The following GRK7 variants were observed in gnomAD, a reference collection of about 807,000 sequenced individuals.
GRK7 encodes the protein G protein-coupled receptor kinase 7.
A neutral mutation model predicts 34.1 loss-of-function variants in GRK7; 24 were observed. The ratio of observed to expected loss-of-function variants is 0.70; its 90% CI spans 0.51 to 0.99. GRK7 has a LOEUF of 0.99. Among genes scored for constraint, GRK7 ranks in the 50% least tolerant of loss-of-function variants. The pLI, the probability that GRK7 is intolerant of heterozygous loss-of-function variation, is 0.00. For missense variants in GRK7, 644 were observed against 707.3 expected (o/e 0.91, Z 1.02); for synonymous variants, 256 against 279.4 (o/e 0.92, Z 0.84).
chr3:141,764,462 CA>C lies in GRK7; in HGVS notation c.-1490del. On this transcript the variant is annotated 5_prime_UTR_variant, in exon 1 of 6. Coordinates refer to ENST00000682958, the MANE Select transcript of GRK7 (RefSeq NM_139209.3). ...CTCAGTCCTTATCCCACTGACCTCT[CA>C]GCAGCATTTGCCGTAGTAATCACTG... is the stretch of plus-strand genomic sequence containing the variant. Among the ~76,000 whole-genome samples, 1 of 152,314 alleles carries C rather than the reference CA, an allele frequency of 6.6e-6. No individual in the cohort carries two copies. Among genetic ancestry groups the C allele is most frequent in the East Asian group, 1.9e-4 (1 of 5,184 alleles).
At chr3:141,792,490 T>C (rs1324535167) in intron 4 of GRK7, among the ~76,000 whole-genome samples, 3 of 151,882 alleles carry the variant, frequency 2.0e-5, no homozygotes, top group Non-Finnish European at 2.9e-5. Flanking sequence ...CATGGTACAT[T>C]GGGCTCTCCA....
intron 4 of GRK7, among the ~76,000 whole-genome samples, chr3:141,791,200 G>A (rs1000509378): frequency 6.6e-6 from 1 of 152,148 alleles, no homozygotes; most frequent in Non-Finnish European, 1.5e-5. Context: ...AGGGATAATG[G>A]GAGACAGAGG....
At chr3:141,809,894 C>T (rs1711075812) in intron 5 of GRK7, among the ~76,000 whole-genome samples, 1 of 152,064 alleles carries the variant, frequency 6.6e-6, no homozygotes, top group South Asian at 2.1e-4. Context: ...TCTCAATATC[C>T]TCATATATAA....
chr3:141,778,458 C>A lies in GRK7; in HGVS notation c.174C>A (p.Ser58Arg). Residue 58 changes from serine to arginine, a missense_variant, in exon 3 of 6, where the codon AGC becomes AGA. Coordinates refer to ENST00000682958, the MANE Select transcript of GRK7 (RefSeq NM_139209.3). This position sits in a 1 kb window ranked among gnomAD's most constrained non-coding sequence, Gnocchi z 4.1. ...AGAAGCTGTCCCTGAACTTCCACAGCCTGTGTGAGCAGCAGCCCATCGGTC... is the reference window on the plus strand; with the variant it reads ...AGAAGCTGTCCCTGAACTTCCACAGACTGTGTGAGCAGCAGCCCATCGGTC... ...LRQKLSLNFHSLCEQQPIGRR... is the reference protein window; with the variant it reads ...LRQKLSLNFHRLCEQQPIGRR... 4 of 1,613,162 alleles carry A rather than the reference C, an allele frequency of 2.5e-6. No individual in the cohort carries two copies. Among genetic ancestry groups the A allele is most frequent in the Non-Finnish European group, 3.4e-6 (4 of 1,179,912 alleles).
upstream of GRK7, among the ~76,000 whole-genome samples, chr3:141,760,587 T>A (rs2084551196): frequency 6.7e-6 from 1 of 150,254 alleles, no homozygotes; most frequent in African/African-American, 2.5e-5. Flanking sequence ...AAAATGTATA[T>A]TCTGTTGATT....
Position 141,778,145 on chromosome 3 carries a change from C to A in GRK7, c.-113-27C>A. The A allele has an allele frequency of 9.5e-7, 1 of 1,056,056 alleles. No homozygotes were observed. The highest frequency in any genetic ancestry group is 1.4e-6 in the Non-Finnish European group (1 of 733,138). 65.4% of individuals were successfully genotyped at this position (1,056,056 alleles called of 1,614,324 possible). ...AGCTTCTTACAAGAGAAACCTCTTT[C>A]ACACCCTCCACGGGTCCCACCCACA... On this transcript the variant is annotated intron_variant, in intron 2 of 5. Transcript: ENST00000682958. This position sits in a 1 kb window ranked among gnomAD's most constrained non-coding sequence, Gnocchi z 4.1.
rs1223667419 is a variant in GRK7 at position 141,778,620 on chromosome 3, T to C, written c.336T>C (p.Thr112=). The change falls in exon 3 of 6, where the codon ACT becomes ACC. Residue 112 remains threonine (T), a synonymous_variant. Coordinates refer to ENST00000682958, the MANE Select transcript of GRK7 (RefSeq NM_139209.3). The surrounding 1 kb of genome is among the most constrained non-coding windows in gnomAD (Gnocchi z 4.1). Reference sequence around the variant, plus strand: ...GCGCGCTGCAGGGGCTGGTGGCCACTTGTGCGAGTGCCCCTGCCCCGGGGA... The same window carrying C: ...GCGCGCTGCAGGGGCTGGTGGCCACCTGTGCGAGTGCCCCTGCCCCGGGGA... The part of the protein sequence containing the change: ...KDSALQGLVA[T]CASAPAPGNP... The C allele has an allele frequency of 6.2e-7, 1 of 1,612,246 alleles. No homozygotes were observed. Among genetic ancestry groups the C allele is most frequent in the Non-Finnish European group, 8.5e-7 (1 of 1,179,338 alleles).
chr3:141,788,222 C>G (rs543697760), intron 4 of GRK7, among the ~76,000 whole-genome samples: 4 of 152,194 alleles, frequency 2.6e-5, no homozygotes, highest in Non-Finnish European at 5.9e-5. Context: ...GGATGTTGTT[C>G]TACAGGCAGT....
At chr3:141,755,399 T>G in the GRK7 span, among the ~76,000 whole-genome samples, 1 of 152,202 alleles carries the variant, frequency 6.6e-6, no homozygotes, top group Non-Finnish European at 1.5e-5. Flanking sequence ...ATTTTATTTC[T>G]ATGACTGCTG....
At chr3:141,761,802 G>A (rs202129929), upstream of GRK7, among the ~76,000 whole-genome samples, 5,041 of 128,226 alleles carry the variant, frequency 0.039, 64 homozygotes, top group South Asian at 0.067. Flanking sequence ...TTTCTTGGAG[G>A]CTTTGCTCAT....
rs752047346 is a variant in GRK7 at position 141,778,937 on chromosome 3, G to C, written c.612+41G>C. 15 of 1,543,630 alleles carry C rather than the reference G, an allele frequency of 9.7e-6. No individual in the cohort carries two copies. The highest frequency in any genetic ancestry group is 1.3e-5 in the Non-Finnish European group (15 of 1,147,144). Reference sequence around the variant, plus strand: ...TAGCCAGGCTAGAAGGTGAAGCATAGAGCATGAAAGGGGGTAATGTTGCCT... The same window carrying C: ...TAGCCAGGCTAGAAGGTGAAGCATACAGCATGAAAGGGGGTAATGTTGCCT... On this transcript the variant is annotated intron_variant, in intron 3 of 5. Coordinates refer to ENST00000682958, the MANE Select transcript of GRK7 (RefSeq NM_139209.3). The surrounding 1 kb of genome is among the most constrained non-coding windows in gnomAD (Gnocchi z 4.1).
chr3:141,807,538 G>A, intron 4 of GRK7, 107 bp from the exon 5 acceptor site: 3 of 993,050 alleles, frequency 3.0e-6, no homozygotes, highest in South Asian at 3.3e-5. Context: ...CCCTCAACAA[G>A]GGAAGAAAAG....
chr3:141,813,298 G>GT (rs775672712), intron 5 of GRK7, among the ~76,000 whole-genome samples: 15 of 152,144 alleles, frequency 9.9e-5, no homozygotes, highest in African/African-American at 1.9e-4. Flanking sequence ...ACTAATTTTT[G>GT]TATTTTTTAG....
In GRK7 at chr3:141,776,316, T is replaced by A. The variant is rs573837368; in HGVS notation, c.-114+1636T>A. Among the ~76,000 whole-genome samples, 12 of 150,626 alleles carry A rather than the reference T, an allele frequency of 8.0e-5. No individual in the cohort carries two copies. In the East Asian group the frequency reaches 9.7e-4, roughly 12 times the overall value. On this transcript the variant is annotated intron_variant, in intron 2 of 5. Coordinates refer to ENST00000682958, the MANE Select transcript of GRK7 (RefSeq NM_139209.3). ...TAAAAATTAAAAAAAATAAAAAATA[T>A]ATATAAATATGTATATATCTGTGAT... is the stretch of plus-strand genomic sequence containing the variant.
chr3:141,817,808 A>G lies in GRK7; in HGVS notation c.*758A>G, dbSNP rs534009819. 6.6e-6 allele frequency: 1 copy of G among 152,320 alleles called. No individual in the cohort carries two copies. Among genetic ancestry groups the G allele is most frequent in the East Asian group, 1.9e-4 (1 of 5,182 alleles). The allele number at this position is 152,320 out of a possible 1,614,324, so 9.4% of individuals were successfully genotyped here. A position where few individuals can be genotyped will look rare whatever the true frequency, so the allele number is the denominator to read the frequency against. ...TGGAATCATCTAGGGATCTTTTAAA[A>G]AACTAATGCCTGATTCCCATCCATA... On this transcript the variant is annotated 3_prime_UTR_variant, in exon 6 of 6. Transcript: ENST00000682958.
intron 4 of GRK7, among the ~76,000 whole-genome samples, chr3:141,797,640 C>A (rs1710905888): frequency 6.6e-6 from 1 of 152,114 alleles, no homozygotes; most frequent in Non-Finnish European, 1.5e-5. Flanking sequence ...TTGTGATGAG[C>A]TGGGGGAAGA....
the GRK7 span, among the ~76,000 whole-genome samples, chr3:141,753,927 A>T: frequency 1.3e-5 from 2 of 152,260 alleles, no homozygotes; most frequent in African/African-American, 4.8e-5. Flanking sequence ...TAATGTGGTG[A>T]AAGTGTTAAG....
At chr3:141,770,580 C>T (rs1217005036) in intron 1 of GRK7, among the ~76,000 whole-genome samples, 1 of 149,378 alleles carries the variant, frequency 6.7e-6, no homozygotes, top group African/African-American at 2.5e-5. Flanking sequence ...AAAAAAAAGA[C>T]ACCTTTGCTG....
intron 1 of GRK7, among the ~76,000 whole-genome samples, chr3:141,767,372 A>C (rs1393974517): frequency 6.6e-6 from 1 of 152,000 alleles, no homozygotes; most frequent in Non-Finnish European, 1.5e-5. Context: ...CCTTATAACT[A>C]AAAATCTGTT....
Sources: gnomAD v4.1 joint callset for allele counts (sites outside exome capture counted in the v4.1 genomes callset) on GRCh38, gnomAD v4.1.1 for gene constraint, Gnocchi (gnomAD v3.1) non-coding constraint, MANE v1.5 for transcripts, NCBI Gene and HGNC (gene_info 2026-07-23, HGNC 2026-07-21) for gene names.